HMCN1: variants seen among roughly 807,000 people sequenced by gnomAD.
The protein encoded by HMCN1 is hemicentin 1, also known as hemicentin-1.
In HMCN1, 321 loss-of-function variants were observed where a neutral mutation model predicts 625.9. That is an observed-to-expected ratio of 0.51 (90% CI 0.47 to 0.56). The LOEUF (loss-of-function observed/expected upper bound fraction) is 0.56, where lower values mean the gene tolerates loss of function less well. HMCN1 is among the 20% of genes least tolerant of loss of function. The pLI, the probability that HMCN1 is intolerant of heterozygous loss-of-function variation, is 0.00. For synonymous variants in HMCN1, 2,425 were observed against 2,417.6 expected (o/e 1.00, Z -0.09); for missense variants, 6,588 against 6,887.3 (o/e 0.96, Z 1.54).
In HMCN1 at chr1:186,119,401, A is replaced by T. The variant is rs984088982; in HGVS notation, c.11956+103A>T. On this transcript the variant is annotated intron_variant, in intron 78 of 106. Transcript: ENST00000271588. ...TAGGTACTGTCGAGAGCTATGAACC[A>T]TAGTAATATCTTGGGGATATGAAAG... The T allele has an allele frequency of 7.8e-6, 7 of 893,948 alleles. No individual in the cohort carries two copies. The Admixed American group carries it at 1.2e-4, about 16-fold the overall frequency. 55.4% of individuals were successfully genotyped at this position (893,948 alleles called of 1,614,324 possible).
intron 10 of HMCN1, among the ~76,000 whole-genome samples, chr1:185,932,559 A>C (rs1440885633): frequency 6.6e-6 from 1 of 152,208 alleles, no homozygotes; most frequent in Non-Finnish European, 1.5e-5. Flanking sequence ...ATTTGAGCAG[A>C]GAGAGCTTTG....
chr1:185,846,900 TCTTA>T (rs1275353254), intron 2 of HMCN1, among the ~76,000 whole-genome samples: 1 of 152,154 alleles, frequency 6.6e-6, no homozygotes, highest in African/African-American at 2.4e-5. Flanking sequence ...CTTTACTCTC[TCTTA>T]GTCATCTATT....
intron 48 of HMCN1, among the ~76,000 whole-genome samples, chr1:186,062,806 C>T (rs1657797778): frequency 6.6e-6 from 1 of 151,632 alleles, no homozygotes; most frequent in Non-Finnish European, 1.5e-5. Flanking sequence ...TTTCTCATCT[C>T]TCAATCCCTC....
chr1:185,934,196 C>T (rs1346769530), intron 11 of HMCN1, among the ~76,000 whole-genome samples: 1 of 152,106 alleles, frequency 6.6e-6, no homozygotes, highest in Non-Finnish European at 1.5e-5. Flanking sequence ...AATTTAAGTA[C>T]TGTATTTTTG....
chr1:185,951,115 G>T (rs1668639279), intron 11 of HMCN1, among the ~76,000 whole-genome samples: 1 of 151,546 alleles, frequency 6.6e-6, no homozygotes, highest in African/African-American at 2.4e-5. Context: ...ACCAAGGAGG[G>T]AGTAGAGGTA....
chr1:185,953,770 G>A (rs529482321), intron 11 of HMCN1, among the ~76,000 whole-genome samples: 2 of 151,902 alleles, frequency 1.3e-5, no homozygotes, highest in African/African-American at 2.4e-5. Flanking sequence ...AATTTCATGC[G>A]CATCCGTGTG....
chr1:186,004,227 G>A (rs532330085), intron 29 of HMCN1, among the ~76,000 whole-genome samples: 7 of 152,248 alleles, frequency 4.6e-5, no homozygotes, highest in African/African-American at 1.4e-4. Flanking sequence ...AGCTAGTTCT[G>A]TGTATGGGCA....
At position 186,189,588 on chromosome 1, in the gene HMCN1, T is replaced by C; in HGVS notation, c.16618T>C (p.Ser5540Pro). 6.2e-7 allele frequency: 1 copy of C among 1,613,610 alleles called. No homozygotes were observed. Among genetic ancestry groups the C allele is most frequent in the Non-Finnish European group, 8.5e-7 (1 of 1,179,728 alleles). The change falls in exon 107 of 107, where the codon TCC (serine) becomes CCC (proline). Residue 5540 changes from serine (S) to proline (P), a missense_variant. Ser to Pro is a moderately conservative substitution (Grantham distance 74, BLOSUM62 -1). Around this residue, in one of 3 missense-constraint regions of HMCN1, gnomAD observed 1,954 missense variants for 2,013.1 expected, o/e 0.97. Transcript: ENST00000271588. ...SPYALEYKLV[S>P]LPFGIATNQD... Reference sequence around the variant, plus strand: ...ATATGCCTTGGAATACAAACTCGTCTCCCTCCCATTTGGAATAGCCACCAA... The same window carrying C: ...ATATGCCTTGGAATACAAACTCGTCCCCCTCCCATTTGGAATAGCCACCAA...
At position 186,117,003 on chromosome 1, in the gene HMCN1, T is replaced by C; in HGVS notation, c.11571T>C (p.Ser3857=). The C allele has an allele frequency of 6.2e-7, 1 of 1,613,124 alleles. No homozygotes were observed. The highest frequency in any genetic ancestry group is 8.5e-7 in the Non-Finnish European group (1 of 1,179,250). ...GAAATGTGTCTTCTAGGCTCCTTTC[T>C]TCAGGTTCACTAGTAATTATTTCCC... is the stretch of plus-strand genomic sequence containing the variant. ...DQNQNSYRLL[S]SGSLVIISPS... is the part of the protein sequence containing the mutation. The change falls in exon 76 of 107, where the codon TCT becomes TCC. Residue 3857 remains serine, a synonymous_variant. Transcript: ENST00000271588.
At chr1:186,113,563 A>G (rs1164144689) in intron 72 of HMCN1, among the ~76,000 whole-genome samples, 1 of 152,188 alleles carries the variant, frequency 6.6e-6, no homozygotes, top group East Asian at 1.9e-4. Context: ...ATGATTAATC[A>G]CAGATGTGCT....
chr1:185,846,591 C>G (rs1403321526), intron 2 of HMCN1, among the ~76,000 whole-genome samples: 2 of 152,122 alleles, frequency 1.3e-5, no homozygotes, highest in Admixed American at 1.3e-4. Context: ...ATTCTGAAAA[C>G]AGAACTTAGA....
intron 1 of HMCN1, among the ~76,000 whole-genome samples, chr1:185,768,381 T>C (rs1342006377): frequency 6.6e-6 from 1 of 152,194 alleles, no homozygotes; most frequent in Non-Finnish European, 1.5e-5. Context: ...ATGATTTGTT[T>C]GACAGGAAAG....
intron 1 of HMCN1, among the ~76,000 whole-genome samples, chr1:185,788,454 G>A (rs1657771843): frequency 6.6e-6 from 1 of 152,216 alleles, no homozygotes; most frequent in Admixed American, 6.5e-5. Context: ...AAGATGTACT[G>A]TTGACAGATA....
intron 69 of HMCN1, among the ~76,000 whole-genome samples, chr1:186,104,266 A>C (rs1370884109): frequency 6.6e-6 from 1 of 152,154 alleles, no homozygotes; most frequent in African/African-American, 2.4e-5. Context: ...GCCATCATTT[A>C]TAAACTGGGG....
chr1:186,108,479 G>T lies in HMCN1; in HGVS notation c.10871G>T (p.Gly3624Val). Residue 3624 changes from glycine (G) to valine (V), a missense_variant, in exon 71 of 107, where the codon GGA (glycine) becomes GTA (valine). By Grantham distance (109) the Gly-to-Val change is moderately radical. Coordinates refer to ENST00000271588, the MANE Select transcript of HMCN1 (RefSeq NM_031935.3). Reference sequence around the variant, plus strand: ...CACCCAGTACCTCCTAATATTGCTGGAACTGATGAGCCCCGGGATATCACT... The same window carrying T: ...CACCCAGTACCTCCTAATATTGCTGTAACTGATGAGCCCCGGGATATCACT... ...VRVHVPPNIAGTDEPRDITVL... is the reference protein window; with the variant it reads ...VRVHVPPNIAVTDEPRDITVL... 6.2e-7 allele frequency: 1 copy of T among 1,613,980 alleles called. No homozygotes were observed. Among genetic ancestry groups the T allele is most frequent in the Non-Finnish European group, 8.5e-7 (1 of 1,179,986 alleles).
chr1:185,906,542 C>G (rs1951513), intron 4 of HMCN1, among the ~76,000 whole-genome samples: 10,786 of 151,846 alleles, frequency 0.071, 1,341 homozygotes, highest in African/African-American at 0.25. Context: ...CCATGTGTAA[C>G]TAACAGACAA....
chr1:186,176,561 T>C (rs1304895746), intron 103 of HMCN1, among the ~76,000 whole-genome samples: 1 of 152,208 alleles, frequency 6.6e-6, no homozygotes, highest in Non-Finnish European at 1.5e-5. Flanking sequence ...CATTCCTTCA[T>C]TAATTCAACA....
chr1:185,891,387 A>C (rs1367488788), intron 4 of HMCN1, among the ~76,000 whole-genome samples: 1 of 147,590 alleles, frequency 6.8e-6, no homozygotes, highest in Non-Finnish European at 1.5e-5. Context: ...TCGTTAGTTG[A>C]TGCAGTTTCT....
At position 186,166,230 on chromosome 1, in the gene HMCN1, C is replaced by A. The variant is rs370909774; in HGVS notation, c.15366C>A (p.His5122Gln). The A allele has an allele frequency of 1.7e-5, 27 of 1,613,904 alleles. No individual in the cohort carries two copies. The highest frequency in any genetic ancestry group is 1.0e-4 in the Admixed American group (6 of 59,998). The change falls in exon 99 of 107, where the codon CAC becomes CAA. Residue 5122 changes from histidine (H) to glutamine (Q), a missense_variant. Physicochemically the swap from His to Gln is conservative, Grantham distance 24 (BLOSUM62 0). Transcript: ENST00000271588. Reference protein sequence around the residue: ...AAGNPCSHSCHNAMGTYYCSC... With the variant: ...AAGNPCSHSCQNAMGTYYCSC... ...GGAATCCCTGCTCCCATAGCTGCCACAATGCCATGGGGACTTACTACTGCT... is the reference window on the plus strand; with the variant it reads ...GGAATCCCTGCTCCCATAGCTGCCAAAATGCCATGGGGACTTACTACTGCT...
Sources: gnomAD v4.1 joint callset for allele counts (sites outside exome capture counted in the v4.1 genomes callset) on GRCh38, gnomAD v4.1.1 for gene constraint, gnomAD v4.1.1 regional missense constraint, MANE v1.5 for transcripts, NCBI Gene and HGNC (gene_info 2026-07-23, HGNC 2026-07-21) for gene names.